RSPO1: variants seen among roughly 807,000 people sequenced by gnomAD.
RSPO1 encodes R-spondin-1.
A neutral mutation model predicts 26.0 loss-of-function variants in RSPO1; 18 were observed. That is an observed-to-expected ratio of 0.69 (90% CI 0.48 to 1.03). The LOEUF is 1.03. RSPO1 is among the 50% of genes least tolerant of loss of function. The pLI is 0.00. For synonymous variants in RSPO1, 133 were observed against 137.4 expected (o/e 0.97, Z 0.22); for missense variants, 309 against 352.3 (o/e 0.88, Z 0.98).
intron 4 of RSPO1, among the ~76,000 whole-genome samples, 196 bp from the exon 5 acceptor site, chr1:37,614,529 A>C (rs1352583936): frequency 3.9e-5 from 6 of 152,204 alleles, no homozygotes; most frequent in Admixed American, 1.3e-4. Flanking sequence ...GGGAAGAAGA[A>C]GCTGAAGCGG....
chr1:37,620,548 T>C (rs1271861683), intron 3 of RSPO1, among the ~76,000 whole-genome samples: 3 of 151,864 alleles, frequency 2.0e-5, no homozygotes, highest in Non-Finnish European at 4.4e-5. Context: ...TAAGAATCAC[T>C]TGAACCCAGG....
intron 3 of RSPO1, among the ~76,000 whole-genome samples, chr1:37,626,406 C>A (rs1158524135): frequency 1.3e-5 from 2 of 152,202 alleles, no homozygotes; most frequent in Non-Finnish European, 2.9e-5. Flanking sequence ...CCTAGCTGCA[C>A]CCCACTTCCT....
intron 4 of RSPO1, 106 bp downstream of exon 4, chr1:37,616,378 C>T (rs545787423): frequency 9.6e-7 from 1 of 1,037,506 alleles, no homozygotes; most frequent in Middle Eastern, 3.1e-4. Context: ...CTCCTCTCCT[C>T]AGAGCCCCCT....
chr1:37,634,313 C>A lies in RSPO1; in HGVS notation c.-356+253G>T, dbSNP rs1243603683. Among the ~76,000 whole-genome samples, 1 of 152,062 alleles carries A rather than the reference C, an allele frequency of 6.6e-6. No homozygotes were observed. Among genetic ancestry groups the A allele is most frequent in the African/African-American group, 2.4e-5 (1 of 41,394 alleles). On this transcript the variant is annotated intron_variant, in intron 1 of 6. Transcript: ENST00000356545. This position sits in a 1 kb window ranked among gnomAD's most constrained non-coding sequence, Gnocchi z 4.7. ...GAGTGAGGATGATCACCCGGGGCTG[C>A]GGGATGGAGGGGAGTTCGAGGGGAA...
Position 37,612,789 on chromosome 1 carries a change from G to C in RSPO1, c.758C>G (p.Thr253Arg). 1 of 1,612,536 alleles carries C rather than the reference G, an allele frequency of 6.2e-7. No individual in the cohort carries two copies. The change falls in exon 7 of 7, where the codon ACA (threonine) becomes AGA (arginine). Residue 253 changes from threonine (T) to arginine (R), a missense_variant. Physicochemically the swap from Thr to Arg is moderately conservative, Grantham distance 71. Coordinates refer to ENST00000356545, the MANE Select transcript of RSPO1 (RefSeq NM_001242908.2). ...KGQQQQQQQGTVGPLTSAGPA is the reference protein window; with the variant it reads ...KGQQQQQQQGRVGPLTSAGPA Reference sequence around the variant, plus strand: ...CCCTGCAGATGTGAGTGGCCCCACTGTCCCTTGCTGCTGCTGCTGTTGCTG... The same window carrying C: ...CCCTGCAGATGTGAGTGGCCCCACTCTCCCTTGCTGCTGCTGCTGTTGCTG...
chr1:37,620,359 T>A (rs1644181679), intron 3 of RSPO1, among the ~76,000 whole-genome samples: 1 of 151,826 alleles, frequency 6.6e-6, no homozygotes, highest in African/African-American at 2.4e-5. Flanking sequence ...TTACAAAAAA[T>A]AATAATAGAC....
intron 3 of RSPO1, among the ~76,000 whole-genome samples, chr1:37,617,416 T>C (rs1339716156): frequency 6.6e-6 from 1 of 152,084 alleles, no homozygotes; most frequent in Admixed American, 6.6e-5. Context: ...CCCAGCACTT[T>C]GGGAGGCCAA....
In RSPO1 at chr1:37,629,658, G is replaced by T. The variant is rs570832869; in HGVS notation, c.4C>A (p.Arg2=). M[R]LGLCVVALVL... ...AGGGCCACCACACACAGCCCAAGCC[G>T]CATAGTCACGCGCCAGCTCCAGGCC... Residue 2 remains arginine, a synonymous_variant, in exon 3 of 7, where the codon CGG becomes AGG. Transcript: ENST00000356545. 34 of 1,614,008 alleles carry T rather than the reference G, an allele frequency of 2.1e-5. No homozygotes were observed. Among genetic ancestry groups the T allele is most frequent in the Middle Eastern group, 1.6e-4 (1 of 6,062 alleles).
intron 3 of RSPO1, among the ~76,000 whole-genome samples, chr1:37,628,118 G>A (rs563245600): frequency 2.8e-4 from 43 of 152,358 alleles, no homozygotes; most frequent in African/African-American, 1.0e-3. Context: ...CTGCATGGGT[G>A]AGGGTCAGCG....
chr1:37,634,018 GC>G lies in RSPO1; in HGVS notation c.-356+547del, dbSNP rs1644399963. ...CTCCAGGGAGTCCCGGGCGAACATA[GC>G]CCCCACCTCTCCCCAACTAAGCGAT... On this transcript the variant is annotated intron_variant, in intron 1 of 6. Transcript: ENST00000356545. This position sits in a 1 kb window ranked among gnomAD's most constrained non-coding sequence, Gnocchi z 4.7. Among the ~76,000 whole-genome samples the G allele has an allele frequency of 6.6e-6, 1 of 152,176 alleles. No homozygotes were observed. The highest frequency in any genetic ancestry group is 1.5e-5 in the Non-Finnish European group (1 of 68,028).
chr1:37,629,629 A>G lies in RSPO1; in HGVS notation c.33T>C (p.Val11=). 1.2e-6 allele frequency: 2 copies of G among 1,614,026 alleles called. No homozygotes were observed. The highest frequency in any genetic ancestry group is 2.7e-5 in the African/African-American group (2 of 74,984). Residue 11 remains valine, a synonymous_variant, in exon 3 of 7, where the codon GTT becomes GTC. Transcript: ENST00000356545. ...TGATGGTGAGGTGCGTCCAGCTCAG[A>G]ACCAGGGCCACCACACACAGCCCAA... The part of the protein sequence containing the change: MRLGLCVVAL[V]LSWTHLTISS...
chr1:37,618,029 G>A (rs1644143511), intron 3 of RSPO1, among the ~76,000 whole-genome samples: 1 of 152,234 alleles, frequency 6.6e-6, no homozygotes, highest in Non-Finnish European at 1.5e-5. Flanking sequence ...GGCACTCAGG[G>A]AGCAGGACCA....
intron 3 of RSPO1, among the ~76,000 whole-genome samples, chr1:37,623,038 C>G (rs1374231968): frequency 6.6e-6 from 1 of 151,956 alleles, no homozygotes; most frequent in Non-Finnish European, 1.5e-5. Context: ...ACACAGGGCT[C>G]AGATGCTAAA....
intron 2 of RSPO1, among the ~76,000 whole-genome samples, chr1:37,630,319 A>G (rs1644339312): frequency 8.1e-6 from 1 of 123,274 alleles, no homozygotes; most frequent in Admixed American, 9.3e-5. Flanking sequence ...TGTCTCTTGA[A>G]GAGGAGCTCT....
At position 37,631,662 on chromosome 1, in the gene RSPO1, GTTA is replaced by G. The variant is rs539273444; in HGVS notation, c.-289+622_-289+624del. 9.2e-5 allele frequency among the ~76,000 whole-genome samples: 14 copies of G among 152,312 alleles called. 1 individual carries two copies. In the South Asian group the frequency reaches 2.7e-3, roughly 29 times the overall value. On this transcript the variant is annotated intron_variant, in intron 2 of 6. Transcript: ENST00000356545. ...AGCCTGTTTTCTTATCTGCATGAAGGTTATTGTTGTTTATAACTTAAATGAGTT... is the reference window on the plus strand; with the variant it reads ...AGCCTGTTTTCTTATCTGCATGAAGGTTGTTGTTTATAACTTAAATGAGTT...
chr1:37,616,686 G>A lies in RSPO1; in HGVS notation c.95-11C>T. 6.2e-7 allele frequency: 1 copy of A among 1,613,630 alleles called. No homozygotes were observed. Among genetic ancestry groups the A allele is most frequent in the Non-Finnish European group, 8.5e-7 (1 of 1,179,798 alleles). On this transcript the variant is annotated splice_polypyrimidine_tract_variant and intron_variant, in intron 3 of 6. Transcript: ENST00000356545. ...TCCCCTCGGCACTGACTGCAAAGGT[G>A]GAGCAGGCATGAGAAGGCGGCTGTG...
At chr1:37,626,850 G>T (rs897312861) in intron 3 of RSPO1, among the ~76,000 whole-genome samples, 9 of 152,080 alleles carry the variant, frequency 5.9e-5, no homozygotes, top group Admixed American at 2.0e-4. Context: ...GGATGAGTGG[G>T]AATGAGGGCT....
At chr1:37,628,140 T>C (rs1644305212) in intron 3 of RSPO1, among the ~76,000 whole-genome samples, 1 of 152,242 alleles carries the variant, frequency 6.6e-6, no homozygotes, top group African/African-American at 2.4e-5. Flanking sequence ...TAAGCACATG[T>C]ACACATTGCA....
intron 3 of RSPO1, among the ~76,000 whole-genome samples, chr1:37,628,729 G>A (rs1338807889): frequency 6.6e-6 from 1 of 152,214 alleles, no homozygotes; most frequent in Non-Finnish European, 1.5e-5. Context: ...GATTACCCTT[G>A]ACCTCCATCA....
Sources: allele counts gnomAD v4.1 joint callset (sites outside exome capture counted in the v4.1 genomes callset), GRCh38; gene constraint gnomAD v4.1.1; non-coding constraint Gnocchi (gnomAD v3.1); transcripts MANE v1.5; gene names NCBI Gene and HGNC (gene_info 2026-07-23, HGNC 2026-07-21).